SAMD11: variants seen among roughly 807,000 people sequenced by gnomAD.
SAMD11 encodes sterile alpha motif domain-containing protein 11.
A neutral mutation model predicts 64.4 loss-of-function variants in SAMD11; 77 were observed. That is an observed-to-expected ratio of 1.20 (90% CI 0.99 to 1.44). The LOEUF is 1.44. Ranked by LOEUF, SAMD11 falls within the 40% of genes most tolerant of loss-of-function variation. SAMD11 has a pLI of 0.00. For synonymous variants in SAMD11, 658 were observed against 421.9 expected (o/e 1.56, Z -6.86); for missense variants, 1,402 against 943.3 (o/e 1.49, Z -6.37).
chr1:925,812 G>A (rs1640854231), intron 1 of SAMD11, 110 bp from the exon 2 acceptor site: 3 of 772,082 alleles, frequency 3.9e-6, no homozygotes, highest in South Asian at 1.5e-5. Flanking sequence ...TGGGTGTGGG[G>A]TTCGGGGTGT....
intron 5 of SAMD11, 114 bp downstream of exon 5, chr1:936,010 G>T: frequency 3.5e-6 from 4 of 1,144,638 alleles, no homozygotes; most frequent in Non-Finnish European, 5.0e-6. Context: ...AGGAGGAGCG[G>T]CCTGTCCCCC....
intron 2 of SAMD11, 44 bp downstream of exon 2, chr1:926,057 G>C: frequency 6.4e-7 from 1 of 1,561,432 alleles, no homozygotes; most frequent in Non-Finnish European, 8.8e-7. Flanking sequence ...ACTCTCCCCT[G>C]CGGAGCTTGT....
At chr1:926,131 G>A (rs1400009575) in intron 2 of SAMD11, 118 bp downstream of exon 2, 13 of 983,360 alleles carry the variant, frequency 1.3e-5, no homozygotes, top group Non-Finnish European at 1.9e-5. Context: ...GTGTGCTGGA[G>A]GGAGCCTCCG....
rs754581688 is a variant in SAMD11, at chr1:943,391, C to T, written c.2178+14C>T. ...GAGTACACTCGGGTAAGGGGGGGCCCCAGTTCCTGGGGCGGGGCTGGAGCT... is the reference window on the plus strand; with the variant it reads ...GAGTACACTCGGGTAAGGGGGGGCCTCAGTTCCTGGGGCGGGGCTGGAGCT... On this transcript the variant is annotated intron_variant, in intron 12 of 13. Transcript: ENST00000616016. The T allele has an allele frequency of 8.5e-6, 13 of 1,522,876 alleles. No homozygotes were observed. Among genetic ancestry groups the T allele is most frequent in the Admixed American group, 8.4e-5 (4 of 47,662 alleles). The allele number at this position is 1,522,876 out of a possible 1,614,324, so 94.3% of individuals were successfully genotyped here. A position where few individuals can be genotyped will look rare whatever the true frequency, so the allele number is the denominator to read the frequency against.
chr1:926,390 C>T (rs1469263452), intron 2 of SAMD11, among the ~76,000 whole-genome samples: 1 of 152,232 alleles, frequency 6.6e-6, no homozygotes, highest in African/African-American at 2.4e-5. Flanking sequence ...ACCGTGTTCT[C>T]TGGCCCAGCT....
At position 942,218 on chromosome 1, in the gene SAMD11, C is replaced by G. The variant is rs1001357452; in HGVS notation, c.1441C>G (p.Leu481Val). 34 of 1,360,168 alleles carry G rather than the reference C, an allele frequency of 2.5e-5. No individual in the cohort carries two copies. The highest frequency in any genetic ancestry group is 3.1e-5 in the Non-Finnish European group (33 of 1,050,282). The allele number at this position is 1,360,168 out of a possible 1,614,324, so 84.3% of individuals were successfully genotyped here. ...ALGPHLRPPF[L>V]GVPSALCQTP... ...GGGCCCCCATCTCAGGCCCCCCTTC[C>G]TGGGGGTGCCCTCGGCTCTGTGCCA... Residue 481 changes from leucine to valine, a missense_variant, in exon 9 of 14, where the codon CTG becomes GTG. Coordinates refer to ENST00000616016, the MANE Select transcript of SAMD11 (RefSeq NM_001385641.1).
chr1:931,135 TCCC>T, intron 4 of SAMD11, 46 bp downstream of exon 4: 5 of 1,445,492 alleles, frequency 3.5e-6, no homozygotes, highest in Non-Finnish European at 3.8e-6. Context: ...GTGACTCCCC[TCCC>T]TCCCTCCCAC....
chr1:942,540 G>A lies in SAMD11; in HGVS notation c.1554-19G>A, dbSNP rs923055895. 25 of 1,407,188 alleles carry A rather than the reference G, an allele frequency of 1.8e-5. No homozygotes were observed. In the African/African-American group the frequency reaches 2.3e-4, roughly 13 times the overall value. 87.2% of individuals were successfully genotyped at this position (1,407,188 alleles called of 1,614,324 possible). On this transcript the variant is annotated intron_variant, in intron 10 of 13. Transcript: ENST00000616016. ...GCGCGGCCCGGGAGGCGGCTGACCC[G>A]CGTCTGCCCCCGGCCCAGGCTGGAG...
intron 7 of SAMD11, 166 bp from the exon 8 acceptor site, chr1:940,978 C>A: frequency 1.8e-6 from 1 of 551,602 alleles, no homozygotes; most frequent in Non-Finnish European, 3.1e-6. Context: ...GCCGTCTCGG[C>A]CCTGTGGCCG....
Position 930,255 on chromosome 1 carries a change from G to A in SAMD11, c.710G>A (p.Ser237Asn), listed in dbSNP as rs1487940248. 8 of 1,606,492 alleles carry A rather than the reference G, an allele frequency of 5.0e-6. No individual in the cohort carries two copies. Among genetic ancestry groups the A allele is most frequent in the Non-Finnish European group, 5.9e-6 (7 of 1,177,076 alleles). ...AGCTTCTCTGCCAGCGATGGTGACA[G>A]CGACGGGAGTGGCCCCACCTGTGGG... ...TPSFSASDGD[S>N]DGSGPTCGRR... The change falls in exon 3 of 14, where the codon AGC becomes AAC. Residue 237 changes from serine (S) to asparagine (N), a missense_variant. Coordinates refer to ENST00000616016, the MANE Select transcript of SAMD11 (RefSeq NM_001385641.1).
At chr1:928,254 T>A (rs1044892747) in intron 2 of SAMD11, among the ~76,000 whole-genome samples, 5 of 152,004 alleles carry the variant, frequency 3.3e-5, no homozygotes, top group African/African-American at 7.3e-5. Flanking sequence ...TAGCCGGGCG[T>A]GGTGGCGGGT....
At chr1:929,596 G>A (rs993608436) in intron 2 of SAMD11, among the ~76,000 whole-genome samples, 1 of 152,232 alleles carries the variant, frequency 6.6e-6, no homozygotes, top group East Asian at 1.9e-4. Context: ...CACAAAGTAC[G>A]GGTGGGATTG....
At position 939,118 on chromosome 1, in the gene SAMD11, A is replaced by T; in HGVS notation, c.1046A>T (p.Glu349Val). ...DCFSEKRARS[E>V]SPQEALLLPR... ...TTTTCAGAGAAGAGGGCACGAAGCG[A>T]ATCGCCTCAAGGTAAGAGCGTGGCT... The change falls in exon 6 of 14, where the codon GAA becomes GTA. Residue 349 changes from glutamate (E) to valine (V), a missense_variant. Transcript: ENST00000616016. The T allele has an allele frequency of 6.3e-7, 1 of 1,594,654 alleles. No individual in the cohort carries two copies. Among genetic ancestry groups the T allele is most frequent in the Admixed American group, 1.7e-5 (1 of 57,160 alleles).
chr1:929,234 C>T (rs540878410), intron 2 of SAMD11, among the ~76,000 whole-genome samples: 5 of 152,348 alleles, frequency 3.3e-5, no homozygotes, highest in South Asian at 2.1e-4. Flanking sequence ...GCTCGGGGCT[C>T]GGCTGTGCTC....
rs542241661 is a variant in SAMD11, at chr1:935,003, C to T, written c.843-769C>T. ...ACTGCTCAGGGAGTGGCGCCTGGAC[C>T]CTGAGCCCCTTCTCTGCTGACTGGG... On this transcript the variant is annotated intron_variant, in intron 4 of 13. Coordinates refer to ENST00000616016, the MANE Select transcript of SAMD11 (RefSeq NM_001385641.1). Among the ~76,000 whole-genome samples the T allele has an allele frequency of 9.9e-5, 15 of 151,988 alleles. No individual in the cohort carries two copies. In the South Asian group the frequency reaches 3.1e-3, roughly 32 times the overall value.
At chr1:929,426 G>C (rs2100303308) in intron 2 of SAMD11, among the ~76,000 whole-genome samples, 1 of 152,348 alleles carries the variant, frequency 6.6e-6, no homozygotes, top group African/African-American at 2.4e-5. Flanking sequence ...TGAGCCCCGG[G>C]GCCTGCAGTC....
chr1:942,966 C>T lies in SAMD11; in HGVS notation c.1961C>T (p.Ala654Val), dbSNP rs1328892688. The T allele has an allele frequency of 8.4e-6, 13 of 1,542,348 alleles. 1 individual carries two copies. In the Middle Eastern group the frequency reaches 5.1e-4, roughly 61 times the overall value. Residue 654 changes from alanine (A) to valine (V), a missense_variant, in exon 11 of 14, where the codon GCT becomes GTT. Ala to Val is a moderately conservative substitution (Grantham distance 64). Coordinates refer to ENST00000616016, the MANE Select transcript of SAMD11 (RefSeq NM_001385641.1). ...CRGPTPGQAP[A>V]GGAGAEGKGL... ...GGGCCCACTCCGGGCCAAGCTCCAG[C>T]TGGAGGGGCCGGCGCCGAGGGGAAG...
At chr1:932,985 C>T (rs1347796381) in intron 4 of SAMD11, among the ~76,000 whole-genome samples, 1 of 152,190 alleles carries the variant, frequency 6.6e-6, no homozygotes, top group African/African-American at 2.4e-5. Flanking sequence ...GCGTGGGCAG[C>T]TGGGGTCACA....
chr1:944,317 G>A lies in SAMD11; in HGVS notation c.*164G>A, dbSNP rs1055495964. On this transcript the variant is annotated 3_prime_UTR_variant, in exon 14 of 14. Transcript: ENST00000616016. ...GAAAGGAACAAATTTTCAAAGACTT[G>A]GGGGAGTGAAGGCAGAGCCTGGTGC... 1 of 1,390,270 alleles carries A rather than the reference G, an allele frequency of 7.2e-7. No individual in the cohort carries two copies. Among genetic ancestry groups the A allele is most frequent in the South Asian group, 1.8e-5 (1 of 55,126 alleles). The allele number at this position is 1,390,270 out of a possible 1,614,324, so 86.1% of individuals were successfully genotyped here. A position where few individuals can be genotyped will look rare whatever the true frequency, so the allele number is the denominator to read the frequency against.
Sources: allele counts gnomAD v4.1 joint callset (sites outside exome capture counted in the v4.1 genomes callset), GRCh38; gene constraint gnomAD v4.1.1; transcripts MANE v1.5; gene names NCBI Gene and HGNC (gene_info 2026-07-23, HGNC 2026-07-21).